The following CNTN4 variants were observed in gnomAD, a reference collection of about 807,000 sequenced individuals.
CNTN4 encodes contactin-4.
Under a neutral mutation model 122.5 loss-of-function variants are expected in CNTN4, and 77 were observed. The ratio of observed to expected loss-of-function variants is 0.63; its 90% CI spans 0.52 to 0.76. The LOEUF is 0.76. Among genes scored for constraint, CNTN4 ranks in the 30% least tolerant of loss-of-function variants. The pLI, the probability that CNTN4 is intolerant of heterozygous loss-of-function variation, is 0.00. For missense variants in CNTN4, 1,256 were observed against 1,259.1 expected, an observed-to-expected ratio of 1.00 and a Z score of 0.04; for synonymous variants, 512 against 447.0, an observed-to-expected ratio of 1.15 and a Z score of -1.83.
At chr3:2,633,123 A>G (rs190978520) in intron 4 of CNTN4, among the ~76,000 whole-genome samples, 43 of 152,184 alleles carry the variant, frequency 2.8e-4, no homozygotes, top group African/African-American at 1.0e-3. Context: ...TATATTCCAA[A>G]GAATTATTTA....
intron 4 of CNTN4, among the ~76,000 whole-genome samples, chr3:2,685,257 C>G (rs2150529302): frequency 6.6e-6 from 1 of 152,246 alleles, no homozygotes; most frequent in Non-Finnish European, 1.5e-5. Context: ...AGAGAAGTAA[C>G]TTTGGCATCA....
chr3:3,025,201 C>T (rs1468984313), intron 14 of CNTN4, among the ~76,000 whole-genome samples: 1 of 151,986 alleles, frequency 6.6e-6, no homozygotes, highest in Non-Finnish European at 1.5e-5. Flanking sequence ...CTAAGCAAGC[C>T]CATTCTATTC....
intron 8 of CNTN4, among the ~76,000 whole-genome samples, chr3:2,882,255 C>G (rs546086497): frequency 6.6e-6 from 1 of 152,000 alleles, no homozygotes; most frequent in East Asian, 1.9e-4. Flanking sequence ...GTCCTAGCAA[C>G]TCGGGGAGGC....
At chr3:2,241,008 T>C (rs2039913514) in intron 2 of CNTN4, among the ~76,000 whole-genome samples, 1 of 152,160 alleles carries the variant, frequency 6.6e-6, no homozygotes, top group African/African-American at 2.4e-5. Context: ...AAAAATATAT[T>C]TTTATGGCAA....
chr3:2,522,348 C>G (rs981524028), intron 3 of CNTN4, among the ~76,000 whole-genome samples: 1 of 152,034 alleles, frequency 6.6e-6, no homozygotes, highest in Admixed American at 6.6e-5. Context: ...AAGGTGGTTG[C>G]ATTTTCCACA....
At chr3:2,720,654 C>A (rs952898612) in intron 4 of CNTN4, among the ~76,000 whole-genome samples, 1 of 152,176 alleles carries the variant, frequency 6.6e-6, no homozygotes, top group Non-Finnish European at 1.5e-5. Context: ...AAACACTAAA[C>A]AGAAACAAGG....
intron 3 of CNTN4, among the ~76,000 whole-genome samples, chr3:2,549,286 A>G (rs2078381404): frequency 6.6e-6 from 1 of 152,114 alleles, no homozygotes; most frequent in Non-Finnish European, 1.5e-5. Context: ...CTGGTTTTCA[A>G]AGGGAATGCT....
chr3:2,497,870 C>T (rs2076494105), intron 3 of CNTN4, among the ~76,000 whole-genome samples: 2 of 152,256 alleles, frequency 1.3e-5, no homozygotes, highest in Admixed American at 6.5e-5. Flanking sequence ...TCTAGCTCTT[C>T]AATATGATCG....
chr3:2,691,388 T>C (rs1054433662), intron 4 of CNTN4, among the ~76,000 whole-genome samples: 11 of 152,078 alleles, frequency 7.2e-5, no homozygotes, highest in African/African-American at 2.7e-4. Flanking sequence ...GTGGTGGTTC[T>C]GAAGAAGAAA....
chr3:2,607,902 G>A lies in CNTN4; in HGVS notation c.55+36344G>A, dbSNP rs145772042. On this transcript the variant is annotated intron_variant, in intron 4 of 24. Transcript: ENST00000418658. ...ATTTAAAATATCATATAATAAAAAC[G>A]TGTCTTTTATAGTTCTTCCTACAAG... is the stretch of plus-strand genomic sequence containing the variant. Among the ~76,000 whole-genome samples the A allele has an allele frequency of 2.4e-3, 362 of 152,126 alleles. 2 individuals are homozygous for A. The highest frequency in any genetic ancestry group is 8.2e-3 in the African/African-American group (341 of 41,528).
chr3:2,851,398 C>T (rs957803319), intron 7 of CNTN4, among the ~76,000 whole-genome samples: 4 of 152,170 alleles, frequency 2.6e-5, no homozygotes, highest in African/African-American at 4.8e-5. Flanking sequence ...ATTGGCCACA[C>T]GTGTCTCCAG....
chr3:2,375,741 T>C (rs1005569771), intron 3 of CNTN4, among the ~76,000 whole-genome samples: 3 of 152,192 alleles, frequency 2.0e-5, no homozygotes. Flanking sequence ...CATGAAGTGT[T>C]ACCGGGTTTA....
intron 6 of CNTN4, among the ~76,000 whole-genome samples, chr3:2,746,100 C>G (rs1242221100): frequency 6.6e-6 from 1 of 150,776 alleles, no homozygotes; most frequent in Non-Finnish European, 1.5e-5. Context: ...CACACACACA[C>G]ACACACACAC....
intron 8 of CNTN4, among the ~76,000 whole-genome samples, chr3:2,876,469 T>C (rs894008678): frequency 6.6e-6 from 1 of 152,048 alleles, no homozygotes; most frequent in Non-Finnish European, 1.5e-5. Context: ...ATTTTTGCCT[T>C]TTTTTTTCAG....
At chr3:3,032,681 C>A (rs1309854488) in intron 16 of CNTN4, among the ~76,000 whole-genome samples, 2 of 152,144 alleles carry the variant, frequency 1.3e-5, no homozygotes, top group Non-Finnish European at 2.9e-5. Context: ...TTCTATTTAA[C>A]CTATAGCACT....
intron 12 of CNTN4, among the ~76,000 whole-genome samples, chr3:2,917,053 A>C (rs2094370363): frequency 8.0e-6 from 1 of 125,768 alleles, no homozygotes; most frequent in Admixed American, 8.3e-5. Context: ...CCATCCCGGC[A>C]CCTCGGGAGG....
chr3:3,043,057 C>G lies in CNTN4; in HGVS notation c.2592C>G (p.Ile864Met), dbSNP rs1396269575. Residue 864 changes from isoleucine (I) to methionine (M), a missense_variant, in exon 22 of 25, where the codon ATC becomes ATG. Ile to Met is a conservative substitution (Grantham distance 10, BLOSUM62 1). Coordinates refer to ENST00000418658, the MANE Select transcript of CNTN4 (RefSeq NM_175607.3). The stretch of plus-strand genomic sequence containing the variant: ...TTGGAAATCAGACATCAACAAAAAT[C>G]ACGAACTTAAAAGGCAGTGTGCTGT... Reference protein sequence around the residue: ...RTVGNQTSTKITNLKGSVLYH... With the variant: ...RTVGNQTSTKMTNLKGSVLYH... The G allele has an allele frequency of 6.2e-7, 1 of 1,613,992 alleles. No homozygotes were observed. The highest frequency in any genetic ancestry group is 2.2e-5 in the East Asian group (1 of 44,888).
At chr3:2,958,003 G>A (rs2124953821) in intron 13 of CNTN4, among the ~76,000 whole-genome samples, 1 of 152,134 alleles carries the variant, frequency 6.6e-6, no homozygotes, top group East Asian at 1.9e-4. Context: ...CACTGTGACT[G>A]GCCTTTTGAT....
intron 2 of CNTN4, among the ~76,000 whole-genome samples, chr3:2,124,344 G>A (rs1378524851): frequency 6.6e-6 from 1 of 151,574 alleles, no homozygotes; most frequent in Non-Finnish European, 1.5e-5. Flanking sequence ...GCGGTTTTAG[G>A]TAATGATTAC....
Sources: gnomAD v4.1 joint callset for allele counts (sites outside exome capture counted in the v4.1 genomes callset) on GRCh38, gnomAD v4.1.1 for gene constraint, MANE v1.5 for transcripts, NCBI Gene and HGNC (gene_info 2026-07-23, HGNC 2026-07-21) for gene names.